Variants in PTPN6 observed in about 807,000 individuals in gnomAD.
The protein encoded by PTPN6 is tyrosine-protein phosphatase non-receptor type 6.
In PTPN6, 18 loss-of-function variants were observed where a neutral mutation model predicts 81.5. The observed-to-expected ratio is 0.22, with a 90% CI of 0.15 to 0.33. The LOEUF is 0.33. PTPN6 is among the 10% of genes least tolerant of loss of function. The pLI, the probability that PTPN6 is intolerant of heterozygous loss-of-function variation, is 1.00. For synonymous variants in PTPN6, 301 were observed against 310.9 expected, an observed-to-expected ratio of 0.97 and a Z score of 0.33; for missense variants, 500 against 794.2, an observed-to-expected ratio of 0.63 and a Z score of 4.45.
At chr12:6,948,591 C>G (rs1233480642), upstream of PTPN6, among the ~76,000 whole-genome samples, 2 of 150,334 alleles carry the variant, frequency 1.3e-5, no homozygotes, top group East Asian at 1.9e-4. Context: ...GACACCCAGT[C>G]GAAAGAAGAA....
chr12:6,956,771 C>A lies in PTPN6; in HGVS notation c.1074+203C>A, dbSNP rs181923485. On this transcript the variant is annotated intron_variant, in intron 9 of 15. Transcript: ENST00000318974. This position sits in a 1 kb window ranked among gnomAD's most constrained non-coding sequence, Gnocchi z 4.1. ...ATGCATCCCTGGGCTCTTCTGAGCTCCAGACCCAGGTTCCAGGCTGTCCTC... is the reference window on the plus strand; with the variant it reads ...ATGCATCCCTGGGCTCTTCTGAGCTACAGACCCAGGTTCCAGGCTGTCCTC... Among the ~76,000 whole-genome samples the A allele has an allele frequency of 4.1e-3, 623 of 152,236 alleles. 3 individuals are homozygous for A. Among genetic ancestry groups the A allele is most frequent in the African/African-American group, 0.014 (583 of 41,526 alleles).
Position 6,952,538 on chromosome 12 carries a change from G to A in PTPN6, c.326+361G>A. ...AGAAAGCTCTTCTTCCTCTGGAATC[G>A]AGCCTGCCTTCCTCCGTCTGCCCCT... On this transcript the variant is annotated intron_variant, in intron 3 of 15. Coordinates refer to ENST00000318974, the MANE Select transcript of PTPN6 (RefSeq NM_002831.6). The surrounding 1 kb of genome is among the most constrained non-coding windows in gnomAD (Gnocchi z 8.1). The A allele has an allele frequency of 5.4e-6, 2 of 373,530 alleles. No individual in the cohort carries two copies. The highest frequency in any genetic ancestry group is 1.2e-4 in the East Asian group (2 of 16,296). The allele number at this position is 373,530 out of a possible 1,614,324, so 23.1% of individuals were successfully genotyped here.
At position 6,960,672 on chromosome 12, in the gene PTPN6, G is replaced by T; in HGVS notation, c.1674-134G>T. The T allele has an allele frequency of 6.4e-7, 1 of 1,551,188 alleles. No homozygotes were observed. Among genetic ancestry groups the T allele is most frequent in the Non-Finnish European group, 8.7e-7 (1 of 1,146,670 alleles). On this transcript the variant is annotated intron_variant, in intron 14 of 15. Transcript: ENST00000318974. This position sits in a 1 kb window ranked among gnomAD's most constrained non-coding sequence, Gnocchi z 6.1. The stretch of plus-strand genomic sequence containing the variant: ...AGCCTCTGTCCTCTAGGAGCTTGGA[G>T]TCTAGTGCAGGGACCGTGGCTGCGT...
chr12:6,959,497 G>C lies in PTPN6; in HGVS notation c.1362-430G>C, dbSNP rs183860187. 50 of 298,584 alleles carry C rather than the reference G, an allele frequency of 1.7e-4. No homozygotes were observed. The Middle Eastern group carries it at 3.5e-3, about 21-fold the overall frequency. 18.5% of individuals were successfully genotyped at this position (298,584 alleles called of 1,614,324 possible). A position where few individuals can be genotyped will look rare whatever the true frequency, so the allele number is the denominator to read the frequency against. On this transcript the variant is annotated intron_variant, in intron 11 of 15. Coordinates refer to ENST00000318974, the MANE Select transcript of PTPN6 (RefSeq NM_002831.6). The surrounding 1 kb of genome is among the most constrained non-coding windows in gnomAD (Gnocchi z 6.6). ...GTCTCAGGGCTATCCTTTCCCTGACGTCAGGGTTTGAAGGAAAAGGGAAGT... is the reference window on the plus strand; with the variant it reads ...GTCTCAGGGCTATCCTTTCCCTGACCTCAGGGTTTGAAGGAAAAGGGAAGT...
chr12:6,951,892 C>A lies in PTPN6; in HGVS notation c.132-91C>A, dbSNP rs782049742. On this transcript the variant is annotated intron_variant, in intron 2 of 15. Transcript: ENST00000318974. This position sits in a 1 kb window ranked among gnomAD's most constrained non-coding sequence, Gnocchi z 7.2. ...CATCCCTGTCTGTGCCCACCCATGCCCATGTGTGCCCCCACCCAGGACCTC... is the reference window on the plus strand; with the variant it reads ...CATCCCTGTCTGTGCCCACCCATGCACATGTGTGCCCCCACCCAGGACCTC... The A allele has an allele frequency of 1.3e-6, 2 of 1,547,022 alleles. No individual in the cohort carries two copies. Among genetic ancestry groups the A allele is most frequent in the Admixed American group, 3.5e-5 (2 of 56,920 alleles).
upstream of PTPN6, chr12:6,946,880 TC>T (rs1472835717): frequency 3.0e-5 from 28 of 935,340 alleles, no homozygotes; most frequent in South Asian, 2.9e-4. Flanking sequence ...CCTATGAACT[TC>T]CCCTTCCCGC....
At chr12:6,949,781 C>A (rs1945893311), upstream of PTPN6, among the ~76,000 whole-genome samples, 1 of 150,984 alleles carries the variant, frequency 6.6e-6, no homozygotes, top group South Asian at 2.1e-4. Flanking sequence ...TGCCTATCTT[C>A]TTGTATCACC....
Position 6,960,707 on chromosome 12 carries a change from G to A in PTPN6, c.1674-99G>A. 1 of 1,551,584 alleles carries A rather than the reference G, an allele frequency of 6.4e-7. No individual in the cohort carries two copies. The highest frequency in any genetic ancestry group is 8.7e-7 in the Non-Finnish European group (1 of 1,146,984). ...GGGACCGTGGCTGCGTCACCTGTGA[G>A]ACGGGGTGGCCAGAGGGGACTGCCA... On this transcript the variant is annotated intron_variant, in intron 14 of 15. Coordinates refer to ENST00000318974, the MANE Select transcript of PTPN6 (RefSeq NM_002831.6). The surrounding 1 kb of genome is among the most constrained non-coding windows in gnomAD (Gnocchi z 6.1).
Position 6,960,562 on chromosome 12 carries a change from A to C in PTPN6, c.1673+127A>C. On this transcript the variant is annotated intron_variant, in intron 14 of 15. Transcript: ENST00000318974. This position sits in a 1 kb window ranked among gnomAD's most constrained non-coding sequence, Gnocchi z 6.1. ...GGCTTCAAGTTCAGGCTTGGTTCTC[A>C]CCCCTTCTGTTCATAAGCATTTCCT... 1.4e-6 allele frequency: 2 copies of C among 1,424,976 alleles called. No individual in the cohort carries two copies. Among genetic ancestry groups the C allele is most frequent in the Non-Finnish European group, 1.9e-6 (2 of 1,033,886 alleles). The allele number at this position is 1,424,976 out of a possible 1,614,324, so 88.3% of individuals were successfully genotyped here.
rs1946038698 is a variant in PTPN6, at chr12:6,956,713, C to A, written c.1074+145C>A. ...GGAAACTGAGGGCTAGTGACAAAGTCTCGACTACACAACGTGACCCCCAGA... is the reference window on the plus strand; with the variant it reads ...GGAAACTGAGGGCTAGTGACAAAGTATCGACTACACAACGTGACCCCCAGA... On this transcript the variant is annotated intron_variant, in intron 9 of 15. Coordinates refer to ENST00000318974, the MANE Select transcript of PTPN6 (RefSeq NM_002831.6). The surrounding 1 kb of genome is among the most constrained non-coding windows in gnomAD (Gnocchi z 4.1). 1.8e-6 allele frequency: 2 copies of A among 1,098,620 alleles called. No individual in the cohort carries two copies. The highest frequency in any genetic ancestry group is 2.6e-6 in the Non-Finnish European group (2 of 759,634). The allele number at this position is 1,098,620 out of a possible 1,614,324, so 68.1% of individuals were successfully genotyped here. A position where few individuals can be genotyped will look rare whatever the true frequency, so the allele number is the denominator to read the frequency against.
At chr12:6,951,007 G>T (rs149699650), upstream of PTPN6, among the ~76,000 whole-genome samples, 57 of 152,326 alleles carry the variant, frequency 3.7e-4, no homozygotes, top group African/African-American at 1.3e-3. The surrounding 1 kb of genome is among the most constrained non-coding windows in gnomAD (Gnocchi z 7.2). Flanking sequence ...AGTTGTCACC[G>T]CCATCATTGT....
chr12:6,960,272 G>GCTGCA lies in PTPN6; in HGVS notation c.1581+33_1581+34insCTGCA. 1.9e-6 allele frequency: 3 copies of GCTGCA among 1,599,720 alleles called. No individual in the cohort carries two copies. Among genetic ancestry groups the GCTGCA allele is most frequent in the Non-Finnish European group, 1.7e-6 (2 of 1,172,160 alleles). On this transcript the variant is annotated intron_variant, in intron 13 of 15. Transcript: ENST00000318974. This position sits in a 1 kb window ranked among gnomAD's most constrained non-coding sequence, Gnocchi z 6.1. ...CAGAGCAGGGCCTGGGGGGGGGGGG[G>GCTGCA]GCTGCAGTGCAGGATGGGTGCCACC...
rs1945938264 is a variant in PTPN6, at chr12:6,952,181, A to G, written c.326+4A>G. The G allele has an allele frequency of 6.2e-7, 1 of 1,613,074 alleles. No homozygotes were observed. On this transcript the variant is annotated splice_donor_region_variant and intron_variant, in intron 3 of 15. Coordinates refer to ENST00000318974, the MANE Select transcript of PTPN6 (RefSeq NM_002831.6). This position sits in a 1 kb window ranked among gnomAD's most constrained non-coding sequence, Gnocchi z 8.1. The stretch of plus-strand genomic sequence containing the variant: ...GCTCCGATCCCACTAGTGAGAGGTG[A>G]GGGCTCCGCACCCCCGCCATTCCCA...
At position 6,960,081 on chromosome 12, in the gene PTPN6, C is replaced by T. The variant is rs782729717; in HGVS notation, c.1430-7C>T. 1.9e-6 allele frequency: 3 copies of T among 1,613,596 alleles called. No homozygotes were observed. Among genetic ancestry groups the T allele is most frequent in the South Asian group, 1.1e-5 (1 of 91,086 alleles). On this transcript the variant is annotated splice_polypyrimidine_tract_variant and splice_region_variant and intron_variant, in intron 12 of 15. Transcript: ENST00000318974. The surrounding 1 kb of genome is among the most constrained non-coding windows in gnomAD (Gnocchi z 6.1). Reference sequence around the variant, plus strand: ...CTGGACCTGAGGTTTGACTGCCCCCCACCCAGGCCTGGACTGTGACATTGA... The same window carrying T: ...CTGGACCTGAGGTTTGACTGCCCCCTACCCAGGCCTGGACTGTGACATTGA...
At chr12:6,946,838 G>C (rs1410879971), upstream of PTPN6, 4 of 1,306,408 alleles carry the variant, frequency 3.1e-6, no homozygotes, top group East Asian at 7.5e-5. Flanking sequence ...ACGTGAGTGC[G>C]ATCTGCCGCT....
chr12:6,947,492 A>C (rs1945845313), upstream of PTPN6, among the ~76,000 whole-genome samples: 1 of 152,048 alleles, frequency 6.6e-6, no homozygotes, highest in South Asian at 2.1e-4. Context: ...CAATATAGTG[A>C]GACCCTGTCT....
chr12:6,956,121 C>A lies in PTPN6; in HGVS notation c.845-21C>A, dbSNP rs782322125. 190 of 1,613,744 alleles carry A rather than the reference C, an allele frequency of 1.2e-4. No homozygotes were observed. Among genetic ancestry groups the A allele is most frequent in the Non-Finnish European group, 1.5e-4 (182 of 1,179,750 alleles). ...CCCTGGCTAACCCAGACCATCTCGCCTCCTCTCCGCCCACTCCCAGTTGAC... is the reference window on the plus strand; with the variant it reads ...CCCTGGCTAACCCAGACCATCTCGCATCCTCTCCGCCCACTCCCAGTTGAC... On this transcript the variant is annotated intron_variant, in intron 7 of 15. Transcript: ENST00000318974. This position sits in a 1 kb window ranked among gnomAD's most constrained non-coding sequence, Gnocchi z 4.1.
chr12:6,961,009 C>T (rs746161823), intron 15 of PTPN6, 64 bp downstream of exon 15: 7 of 1,545,508 alleles, frequency 4.5e-6, no homozygotes, highest in Non-Finnish European at 6.1e-6. Flanking sequence ...CACTGCCTTC[C>T]CTGGGTGGAT....
chr12:6,947,369 G>A (rs1303037022), upstream of PTPN6, among the ~76,000 whole-genome samples: 6 of 152,162 alleles, frequency 3.9e-5, no homozygotes, highest in South Asian at 2.1e-4. Context: ...GAAGTATTAC[G>A]CAGAAAATAG....
Sources: gnomAD v4.1 joint callset for allele counts (sites outside exome capture counted in the v4.1 genomes callset) on GRCh38, gnomAD v4.1.1 for gene constraint, Gnocchi (gnomAD v3.1) non-coding constraint, MANE v1.5 for transcripts, NCBI Gene and HGNC (gene_info 2026-07-23, HGNC 2026-07-21) for gene names.